The following P2RX7 variants were observed in gnomAD, a reference collection of about 807,000 sequenced individuals.
The protein encoded by P2RX7 is P2X purinoceptor 7.
Under a neutral mutation model 71.6 loss-of-function variants are expected in P2RX7, and 62 were observed. The ratio of observed to expected loss-of-function variants is 0.87; its 90% CI spans 0.71 to 1.07. The LOEUF is 1.07. Ranked by LOEUF, P2RX7 falls within the 50% of genes least tolerant of loss-of-function variation. The pLI, the probability that P2RX7 is intolerant of heterozygous loss-of-function variation, is 0.00. For missense variants in P2RX7, 686 were observed against 748.5 expected (o/e 0.92, Z 0.97); for synonymous variants, 299 against 283.3 (o/e 1.06, Z -0.56).
chr12:121,155,974 G>A (rs1194654903), intron 2 of P2RX7, 105 bp from the exon 3 acceptor site: 4 of 1,009,482 alleles, frequency 4.0e-6, no homozygotes, highest in Non-Finnish European at 6.1e-6. Context: ...CTGATTTCTA[G>A]AAGCTTAGAA....
intron 9 of P2RX7, 150 bp from the exon 10 acceptor site, chr12:121,176,997 G>GC: frequency 2.9e-6 from 2 of 680,894 alleles, no homozygotes; most frequent in Non-Finnish European, 5.2e-6. Context: ...GTTTCAGTCT[G>GC]CGTAGTCTCT....
Position 121,184,905 on chromosome 12 carries a change from C to A in P2RX7, c.*103C>A. ...TTGGAGACCCGCCTGGCTAACAAGG[C>A]GAAATCCTGTCTGTACTAAAAATAC... On this transcript the variant is annotated 3_prime_UTR_variant, in exon 13 of 13. Transcript: ENST00000328963. 4 of 874,710 alleles carry A rather than the reference C, an allele frequency of 4.6e-6. No individual in the cohort carries two copies. The highest frequency in any genetic ancestry group is 1.7e-5 in the African/African-American group (1 of 59,006). 54.2% of individuals were successfully genotyped at this position (874,710 alleles called of 1,614,324 possible).
chr12:121,183,577 A>AC lies in P2RX7; in HGVS notation c.1291-728_1291-727insC, dbSNP rs1420325049. Reference sequence around the variant, plus strand: ...CAGAGCAAGACTCCATCTCAAAAAAAAAAAACAACAAATACACACACACAC... The same window carrying AC: ...CAGAGCAAGACTCCATCTCAAAAAAACAAAAACAACAAATACACACACACAC... On this transcript the variant is annotated intron_variant, in intron 12 of 12. Transcript: ENST00000328963. 1.5e-4 allele frequency among the ~76,000 whole-genome samples: 12 copies of AC among 78,172 alleles called. 1 individual carries two copies. The East Asian group carries it at 5.2e-3, about 34-fold the overall frequency. 51.3% of individuals were successfully genotyped at this position (78,172 alleles called of 152,430 possible). A position where few individuals can be genotyped will look rare whatever the true frequency, so the allele number is the denominator to read the frequency against.
intron 5 of P2RX7, 67 bp from the exon 6 acceptor site, chr12:121,165,290 C>T: frequency 1.6e-6 from 2 of 1,222,860 alleles, no homozygotes; most frequent in Non-Finnish European, 2.4e-6. Flanking sequence ...GCCTCTGGTC[C>T]CACTGGCCCA....
chr12:121,139,143 T>C (rs1361544826), intron 1 of P2RX7, among the ~76,000 whole-genome samples: 1 of 152,164 alleles, frequency 6.6e-6, no homozygotes, highest in Non-Finnish European at 1.5e-5. Context: ...GGTTTTGCCA[T>C]GTTGGCCGGG....
At chr12:121,161,073 GCTGCC>G (rs1397333884) in intron 4 of P2RX7, 99 bp downstream of exon 4, 4 of 899,360 alleles carry the variant, frequency 4.4e-6, no homozygotes, top group Non-Finnish European at 7.5e-6. Flanking sequence ...TCTGCTCTCA[GCTGCC>G]CTCTTCCACC....
chr12:121,172,878 C>A (rs1204066239), intron 8 of P2RX7, among the ~76,000 whole-genome samples: 1 of 152,176 alleles, frequency 6.6e-6, no homozygotes, highest in Non-Finnish European at 1.5e-5. Flanking sequence ...TCTCTCCCTA[C>A]ATCTTGTAAC....
In P2RX7 at chr12:121,146,285, CTCTTTTT is replaced by C. The variant is rs1565942675; in HGVS notation, c.126-8498_126-8492del. ...GACCATCCTCTTATTTGTCAAGCCT[CTCTTTTT>C]TTTTTTTTTTTTTTTTTTTTTTTTG... is the stretch of plus-strand genomic sequence containing the variant. On this transcript the variant is annotated intron_variant, in intron 1 of 12. Transcript: ENST00000328963. Among the ~76,000 whole-genome samples the C allele has an allele frequency of 2.2e-5, 3 of 138,218 alleles. No individual in the cohort carries two copies. In the East Asian group the frequency reaches 6.4e-4, roughly 29 times the overall value. The allele number at this position is 138,218 out of a possible 152,430, so 90.7% of individuals were successfully genotyped here.
chr12:121,162,467 G>A lies in P2RX7; in HGVS notation c.480G>A (p.Lys160=). The change falls in exon 5 of 13, where the codon AAG becomes AAA. Residue 160 remains lysine (K), a synonymous_variant. Coordinates refer to ENST00000328963, the MANE Select transcript of P2RX7 (RefSeq NM_002562.6). ...GTGTAGTGTATGAAGGGAACCAGAA[G>A]ACCTGTGAAGTCTCTGCCTGGTGCC... is the stretch of plus-strand genomic sequence containing the variant. ...GRCVVYEGNQ[K]TCEVSAWCPI... The A allele has an allele frequency of 6.2e-7, 1 of 1,613,940 alleles. No homozygotes were observed.
intron 3 of P2RX7, among the ~76,000 whole-genome samples, chr12:121,157,826 C>T (rs934402936): frequency 6.6e-6 from 1 of 152,152 alleles, no homozygotes; most frequent in Non-Finnish European, 1.5e-5. Flanking sequence ...AGAACAAAAC[C>T]TAGCTGTTCG....
rs3751142 is a variant in P2RX7 at position 121,184,616 on chromosome 12, G to T, written c.1602G>T (p.Leu534=). ...TCCTGCTCTACCAGGAGCCCTTGCT[G>T]GCGCTGGATGTGGATTCCACCAACA... ...QFLLLYQEPL[L]ALDVDSTNSR... The change falls in exon 13 of 13, where the codon CTG becomes CTT. Residue 534 remains leucine, a synonymous_variant. Transcript: ENST00000328963. 156,254 of 1,611,842 alleles carry T rather than the reference G, an allele frequency of 0.097. 10,317 individuals are homozygous for T. Among genetic ancestry groups the T allele is most frequent in the Admixed American group, 0.31 (18,339 of 59,530 alleles).
At chr12:121,172,459 A>C (rs1020886388) in intron 8 of P2RX7, among the ~76,000 whole-genome samples, 6 of 152,126 alleles carry the variant, frequency 3.9e-5, no homozygotes, top group Admixed American at 1.3e-4. Context: ...TGAGACCATC[A>C]TCTCTATAAA....
At chr12:121,169,315 C>G (rs1209434345) in intron 8 of P2RX7, among the ~76,000 whole-genome samples, 1 of 152,072 alleles carries the variant, frequency 6.6e-6, no homozygotes, top group Non-Finnish European at 1.5e-5. Context: ...TCAAAGTCAT[C>G]TATTATTGTT....
intron 3 of P2RX7, among the ~76,000 whole-genome samples, chr12:121,156,881 T>C (rs169633): frequency 0.42 from 64,142 of 152,010 alleles, 16,975 homozygotes; most frequent in African/African-American, 0.76. Context: ...GGGCTAGGCA[T>C]GGTGGCTCAC....
At chr12:121,161,545 C>A (rs1453053298) in intron 4 of P2RX7, among the ~76,000 whole-genome samples, 1 of 150,308 alleles carries the variant, frequency 6.7e-6, no homozygotes, top group African/African-American at 2.5e-5. Context: ...GTAATCCCAG[C>A]ACTTTGGGAG....
At chr12:121,157,244 C>A (rs1352108806) in intron 3 of P2RX7, among the ~76,000 whole-genome samples, 1 of 152,196 alleles carries the variant, frequency 6.6e-6, no homozygotes, top group Admixed American at 6.5e-5. Flanking sequence ...GCAGGACCAG[C>A]CCTGCCGGTG....
intron 5 of P2RX7, among the ~76,000 whole-genome samples, chr12:121,162,787 C>T (rs905771859): frequency 6.6e-6 from 1 of 152,084 alleles, no homozygotes; most frequent in East Asian, 1.9e-4. Flanking sequence ...CTGGCCCCTT[C>T]CTTCCCCCAG....
intron 8 of P2RX7, among the ~76,000 whole-genome samples, chr12:121,168,386 C>T (rs140407375): frequency 1.3e-3 from 205 of 151,928 alleles, no homozygotes; most frequent in African/African-American, 4.5e-3. Flanking sequence ...GCGATCCTCC[C>T]ACCTCCCAAG....
Position 121,154,739 on chromosome 12 carries a change from G to T in P2RX7, c.126-46G>T, listed in dbSNP as rs201601422. 1.5e-6 allele frequency: 2 copies of T among 1,315,478 alleles called. No individual in the cohort carries two copies. The highest frequency in any genetic ancestry group is 1.8e-4 in the Middle Eastern group (1 of 5,544). 81.5% of individuals were successfully genotyped at this position (1,315,478 alleles called of 1,614,324 possible). On this transcript the variant is annotated intron_variant, in intron 1 of 12. Coordinates refer to ENST00000328963, the MANE Select transcript of P2RX7 (RefSeq NM_002562.6). This position sits in a 1 kb window ranked among gnomAD's most constrained non-coding sequence, Gnocchi z 4.2. ...TCCTCCAACGCCTGCATCCCAACCC[G>T]CTGTGCTATGCCTCCCGTTGATGCT...
Sources: allele counts gnomAD v4.1 joint callset (sites outside exome capture counted in the v4.1 genomes callset), GRCh38; gene constraint gnomAD v4.1.1; non-coding constraint Gnocchi (gnomAD v3.1); transcripts MANE v1.5; gene names NCBI Gene and HGNC (gene_info 2026-07-23, HGNC 2026-07-21).